The following XRCC4 variants were observed in gnomAD, a reference collection of about 807,000 sequenced individuals.
XRCC4 encodes X-ray repair cross complementing 4.
XRCC4 carries 28 observed loss-of-function variants against 39.1 expected under a neutral mutation model. The observed-to-expected ratio is 0.72, with a 90% CI of 0.53 to 0.98. The LOEUF is 0.98. XRCC4 is among the 50% of genes least tolerant of loss of function. The probability of loss-of-function intolerance (pLI) is 0.00; values close to 1 mark genes in which losing one functional copy is unlikely to be tolerated. For synonymous variants in XRCC4, 123 were observed against 126.4 expected (o/e 0.97, Z 0.18); for missense variants, 350 against 376.4 (o/e 0.93, Z 0.58).
chr5:83,213,718 C>T (rs1359998073), intron 6 of XRCC4, among the ~76,000 whole-genome samples: 2 of 151,840 alleles, frequency 1.3e-5, no homozygotes, highest in East Asian at 3.9e-4. Context: ...TTTGTGAGGC[C>T]GATATTATCA....
intron 7 of XRCC4, among the ~76,000 whole-genome samples, chr5:83,334,910 T>C (rs1011640772): frequency 1.3e-5 from 2 of 152,084 alleles, no homozygotes; most frequent in South Asian, 2.1e-4. Flanking sequence ...GGGAAATTCA[T>C]TATTTGTTTT....
intron 7 of XRCC4, among the ~76,000 whole-genome samples, chr5:83,309,296 A>AAAAAAATATATATATATATATATAT (rs1561467702): frequency 1.4e-5 from 1 of 72,232 alleles, no homozygotes; most frequent in Non-Finnish European, 2.1e-5. Context: ...AAAAAAAAAA[A>AAAAAAATATATATATATATATATAT]ATATATATAT....
chr5:83,196,036 A>G, intron 4 of XRCC4, 100 bp downstream of exon 4: 1 of 1,210,990 alleles, frequency 8.3e-7, no homozygotes, highest in Non-Finnish European at 1.1e-6. Context: ...TATGTGGATT[A>G]GCACATATAT....
intron 3 of XRCC4, among the ~76,000 whole-genome samples, chr5:83,112,998 C>A (rs1047220645): frequency 6.6e-6 from 1 of 152,104 alleles, no homozygotes. Flanking sequence ...CCCAAGAGTC[C>A]CCCAGAGTCT....
intron 3 of XRCC4, among the ~76,000 whole-genome samples, chr5:83,156,355 G>A (rs1378827457): frequency 6.6e-6 from 1 of 151,274 alleles, no homozygotes; most frequent in Non-Finnish European, 1.5e-5. Context: ...TATTTAGAGA[G>A]AGAGCTGTAA....
chr5:83,222,341 C>G (rs1309072401), intron 6 of XRCC4, among the ~76,000 whole-genome samples: 1 of 152,076 alleles, frequency 6.6e-6, no homozygotes, highest in Non-Finnish European at 1.5e-5. Context: ...TATAAATTTT[C>G]ACTTTCACAC....
intron 3 of XRCC4, among the ~76,000 whole-genome samples, chr5:83,162,023 C>T (rs1015135888): frequency 2.0e-5 from 3 of 151,830 alleles, no homozygotes; most frequent in African/African-American, 7.3e-5. Context: ...AAAAATTAGC[C>T]AGGTGTGGTG....
intron 3 of XRCC4, among the ~76,000 whole-genome samples, chr5:83,182,004 A>G (rs1037312897): frequency 6.6e-6 from 1 of 151,864 alleles, no homozygotes. Context: ...TGTTGAAGCA[A>G]TGCTGATAGA....
chr5:83,184,477 A>G (rs1750346820), intron 3 of XRCC4, among the ~76,000 whole-genome samples: 1 of 152,018 alleles, frequency 6.6e-6, no homozygotes, highest in African/African-American at 2.4e-5. Context: ...AGGAGCTAGA[A>G]TTTTATAGTT....
chr5:83,122,988 G>T (rs1354236194), intron 3 of XRCC4, among the ~76,000 whole-genome samples: 1 of 151,804 alleles, frequency 6.6e-6, no homozygotes, highest in East Asian at 1.9e-4. Context: ...GCACTTGAAA[G>T]AATTATTCAT....
chr5:83,268,376 A>G (rs1754027627), intron 7 of XRCC4, among the ~76,000 whole-genome samples: 1 of 152,208 alleles, frequency 6.6e-6, no homozygotes, highest in African/African-American at 2.4e-5. Context: ...ACTTCTCAAA[A>G]GACTGGAAAA....
chr5:83,116,637 TTTGAGATG>T (rs1746733427), intron 3 of XRCC4, among the ~76,000 whole-genome samples: 1 of 102,384 alleles, frequency 9.8e-6, no homozygotes, highest in African/African-American at 4.5e-5. Flanking sequence ...TTTTTTTTTT[TTTGAGATG>T]GAGCCTCACT....
At chr5:83,116,626 T>A in intron 3 of XRCC4, among the ~76,000 whole-genome samples, 1 of 139,286 alleles carries the variant, frequency 7.2e-6, no homozygotes, top group African/African-American at 2.6e-5. Flanking sequence ...TTTTTTTTTT[T>A]TTTTTTTTTT....
chr5:83,326,414 T>TA (rs1756262643), intron 7 of XRCC4, among the ~76,000 whole-genome samples: 1 of 152,080 alleles, frequency 6.6e-6, no homozygotes, highest in South Asian at 2.1e-4. Context: ...CTAGTTTACT[T>TA]AAGAGTTTTT....
At chr5:83,114,140 A>G (rs76353226) in intron 3 of XRCC4, among the ~76,000 whole-genome samples, 1,936 of 141,018 alleles carry the variant, frequency 0.014, 29 homozygotes, top group African/African-American at 0.051. Flanking sequence ...GCACGCTGCA[A>G]TGGGGGCCTG....
At chr5:83,314,865 C>A (rs752686471) in intron 7 of XRCC4, among the ~76,000 whole-genome samples, 2 of 152,060 alleles carry the variant, frequency 1.3e-5, no homozygotes, top group Admixed American at 1.3e-4. Flanking sequence ...TATTCCCTGA[C>A]CCACAACAAT....
intron 6 of XRCC4, among the ~76,000 whole-genome samples, chr5:83,215,389 A>G (rs1169523949): frequency 6.6e-6 from 1 of 152,126 alleles, no homozygotes; most frequent in Non-Finnish European, 1.5e-5. Context: ...TCAAATTGGT[A>G]CATAGATTCA....
chr5:83,338,591 A>G (rs560399553), intron 7 of XRCC4, among the ~76,000 whole-genome samples: 268 of 152,250 alleles, frequency 1.8e-3, no homozygotes, highest in African/African-American at 6.1e-3. Context: ...TTTTAAACTC[A>G]TTTTTGTATT....
chr5:83,363,537 T>A, the XRCC4 span, among the ~76,000 whole-genome samples: 1 of 152,152 alleles, frequency 6.6e-6, no homozygotes, highest in African/African-American at 2.4e-5. Flanking sequence ...AATCCGCCGA[T>A]GCTATTCCCA....
Sources: gnomAD v4.1 joint callset for allele counts (sites outside exome capture counted in the v4.1 genomes callset) on GRCh38, gnomAD v4.1.1 for gene constraint, MANE v1.5 for transcripts, NCBI Gene and HGNC (gene_info 2026-07-23, HGNC 2026-07-21) for gene names.